Variants in CNBD1 observed in about 807,000 individuals in gnomAD.
CNBD1 encodes cyclic nucleotide-binding domain-containing protein 1.
Under a neutral mutation model 54.4 loss-of-function variants are expected in CNBD1, and 71 were observed. The ratio of observed to expected loss-of-function variants is 1.30; its 90% CI spans 1.08 to 1.59. The LOEUF is 1.59. Among genes scored for constraint, CNBD1 ranks in the 40% most tolerant of loss-of-function variants. The pLI is 0.00. For missense variants in CNBD1, 659 were observed against 518.0 expected (o/e 1.27, Z -2.64); for synonymous variants, 182 against 170.7 (o/e 1.07, Z -0.51).
intron 6 of CNBD1, among the ~76,000 whole-genome samples, chr8:87,241,268 ATTTT>A (rs34829455): frequency 1.1e-5 from 1 of 93,862 alleles, no homozygotes. Context: ...TATTTGGAAG[ATTTT>A]TTTTTTTTTT....
At chr8:86,937,385 C>T (rs1261098934) in intron 3 of CNBD1, among the ~76,000 whole-genome samples, 2 of 152,108 alleles carry the variant, frequency 1.3e-5, no homozygotes, top group African/African-American at 4.8e-5. Flanking sequence ...CTGACTCTGG[C>T]CCCTCCAAAA....
chr8:87,194,876 T>G (rs1813682724), intron 4 of CNBD1, among the ~76,000 whole-genome samples: 1 of 152,210 alleles, frequency 6.6e-6, no homozygotes, highest in Middle Eastern at 3.4e-3. Flanking sequence ...TGTTGTTTTT[T>G]GTTTTGTTTG....
At chr8:87,327,799 G>A (rs991237804) in intron 8 of CNBD1, among the ~76,000 whole-genome samples, 3 of 152,112 alleles carry the variant, frequency 2.0e-5, no homozygotes, top group African/African-American at 7.2e-5. Flanking sequence ...GACCGGAGCT[G>A]TTCCTATTCG....
rs1811104529 is a variant in CNBD1 at position 87,382,669 on chromosome 8, G to A, written c.*42G>A. 1 of 1,435,950 alleles carries A rather than the reference G, an allele frequency of 7.0e-7. No homozygotes were observed. The highest frequency in any genetic ancestry group is 9.5e-7 in the Non-Finnish European group (1 of 1,047,788). The allele number at this position is 1,435,950 out of a possible 1,614,324, so 89.0% of individuals were successfully genotyped here. On this transcript the variant is annotated 3_prime_UTR_variant, in exon 11 of 11. Transcript: ENST00000518476. ...AGTGAACATTAATTAAGAAAGTATT[G>A]ACTAAATAATGGAATAATTGCATTC...
In CNBD1 at chr8:86,973,987, T is replaced by G. The variant is rs899364016; in HGVS notation, c.431+34233T>G. On this transcript the variant is annotated intron_variant, in intron 4 of 10. Coordinates refer to ENST00000518476, the MANE Select transcript of CNBD1 (RefSeq NM_173538.3). Reference sequence around the variant, plus strand: ...TTGTACAAATAAAAATTTAATCTTCTAATAAAAATTTAATCTTCTAGGAGG... The same window carrying G: ...TTGTACAAATAAAAATTTAATCTTCGAATAAAAATTTAATCTTCTAGGAGG... Among the ~76,000 whole-genome samples, 3 of 152,272 alleles carry G rather than the reference T, an allele frequency of 2.0e-5. No individual in the cohort carries two copies. The East Asian group carries it at 5.8e-4, about 29-fold the overall frequency.
chr8:87,226,603 A>G (rs911379914), intron 5 of CNBD1, among the ~76,000 whole-genome samples: 1 of 149,108 alleles, frequency 6.7e-6, no homozygotes, highest in African/African-American at 2.6e-5. Context: ...GTGGTCTGAG[A>G]GATAGTTTGT....
intron 4 of CNBD1, among the ~76,000 whole-genome samples, chr8:86,961,136 G>C (rs1275001824): frequency 6.6e-6 from 1 of 152,126 alleles, no homozygotes; most frequent in African/African-American, 2.4e-5. Context: ...GACAGTAAGT[G>C]TACAAATAAA....
intron 4 of CNBD1, among the ~76,000 whole-genome samples, chr8:87,086,844 C>T (rs991106873): frequency 2.6e-5 from 4 of 152,014 alleles, no homozygotes; most frequent in African/African-American, 9.7e-5. Flanking sequence ...AGATCCTTTA[C>T]GAGTTCATTA....
At chr8:87,199,442 A>G (rs1586324366) in intron 4 of CNBD1, among the ~76,000 whole-genome samples, 1 of 152,120 alleles carries the variant, frequency 6.6e-6, no homozygotes, top group South Asian at 2.1e-4. Context: ...GTAAGTATAC[A>G]CTCTTGCAGC....
chr8:87,390,364 A>T (rs1366178828), intron 2 of CNBD1, among the ~76,000 whole-genome samples: 1 of 152,216 alleles, frequency 6.6e-6, no homozygotes, highest in Non-Finnish European at 1.5e-5. Flanking sequence ...CAAAGGGCTA[A>T]TATCCAGAAT....
intron 4 of CNBD1, among the ~76,000 whole-genome samples, chr8:87,083,256 C>T (rs1004977752): frequency 7.9e-5 from 12 of 152,288 alleles, no homozygotes; most frequent in African/African-American, 2.2e-4. Context: ...CAAATTTGCA[C>T]CTGTATATAA....
At chr8:87,275,418 T>C (rs1275246429) in intron 6 of CNBD1, among the ~76,000 whole-genome samples, 1 of 152,058 alleles carries the variant, frequency 6.6e-6, no homozygotes, top group Non-Finnish European at 1.5e-5. Flanking sequence ...CATGGAATGT[T>C]CTTCCATTTG....
chr8:87,321,274 C>T (rs1369925867), intron 8 of CNBD1, among the ~76,000 whole-genome samples: 1 of 152,156 alleles, frequency 6.6e-6, no homozygotes, highest in Non-Finnish European at 1.5e-5. Flanking sequence ...ATAATAGCTG[C>T]AACATTTCGC....
intron 10 of CNBD1, among the ~76,000 whole-genome samples, chr8:87,373,183 A>T (rs1375559374): frequency 6.6e-6 from 1 of 151,804 alleles, no homozygotes; most frequent in Non-Finnish European, 1.5e-5. Context: ...CAAGAAAAAA[A>T]GCAAATGTTA....
chr8:87,274,459 C>T (rs1808434620), intron 6 of CNBD1, among the ~76,000 whole-genome samples: 2 of 147,980 alleles, frequency 1.4e-5, no homozygotes, highest in African/African-American at 2.6e-5. Context: ...TAATGATCGC[C>T]ATTCTAACTG....
rs1326936298 is a variant in CNBD1 at position 87,163,456 on chromosome 8, G to T, written c.432-42537G>T. On this transcript the variant is annotated intron_variant, in intron 4 of 10. Coordinates refer to ENST00000518476, the MANE Select transcript of CNBD1 (RefSeq NM_173538.3). The surrounding 1 kb of genome is among the most constrained non-coding windows in gnomAD (Gnocchi z 4.5). ...TAATTTCTTCAACCCATGAATACAA[G>T]GTATCTTTCCATTTATTTGTGTCTT... 6.6e-6 allele frequency among the ~76,000 whole-genome samples: 1 copy of T among 151,736 alleles called. No homozygotes were observed. The highest frequency in any genetic ancestry group is 1.5e-5 in the Non-Finnish European group (1 of 67,892).
chr8:87,049,851 T>C (rs996277797), intron 4 of CNBD1, among the ~76,000 whole-genome samples: 1 of 152,192 alleles, frequency 6.6e-6, no homozygotes, highest in Non-Finnish European at 1.5e-5. Flanking sequence ...TCTCCATGGT[T>C]AACTTGGTGG....
At chr8:87,112,677 A>G (rs953406967) in intron 4 of CNBD1, among the ~76,000 whole-genome samples, 9 of 152,280 alleles carry the variant, frequency 5.9e-5, no homozygotes, top group South Asian at 2.1e-4. Flanking sequence ...TCTGTAACCT[A>G]TATCTTGTAT....
chr8:87,055,822 T>C (rs1391690565), intron 4 of CNBD1, among the ~76,000 whole-genome samples: 3 of 149,000 alleles, frequency 2.0e-5, no homozygotes, highest in Non-Finnish European at 4.5e-5. Context: ...CCTTCCTTCC[T>C]TCCCTCCCTC....
Sources: allele counts gnomAD v4.1 joint callset (sites outside exome capture counted in the v4.1 genomes callset), GRCh38; gene constraint gnomAD v4.1.1; non-coding constraint Gnocchi (gnomAD v3.1); transcripts MANE v1.5; gene names NCBI Gene and HGNC (gene_info 2026-07-23, HGNC 2026-07-21).